The following SDK1 variants were observed in gnomAD, a reference collection of about 807,000 sequenced individuals.
SDK1 encodes the protein protein sidekick-1.
Under a neutral mutation model 245.5 loss-of-function variants are expected in SDK1, and 157 were observed. The observed-to-expected ratio is 0.64, with a 90% CI of 0.56 to 0.73. The LOEUF is 0.73. Ranked by LOEUF, SDK1 falls within the 30% of genes least tolerant of loss-of-function variation. The pLI is 0.00. For synonymous variants in SDK1, 1,647 were observed against 1,278.5 expected (o/e 1.29, Z -6.15); for missense variants, 3,583 against 3,002.3 (o/e 1.19, Z -4.52).
Position 4,166,410 on chromosome 7 carries a change from C to T in SDK1, c.4800+4554C>T, listed in dbSNP as rs555310810. Among the ~76,000 whole-genome samples the T allele has an allele frequency of 2.5e-4, 38 of 152,338 alleles. 1 individual carries two copies. Among genetic ancestry groups the T allele is most frequent in the Middle Eastern group, 3.4e-3 (1 of 294 alleles). ...ATTGATAGGAAGACAGCAGAAGGAA[C>T]GAAACTAACTCTGGCCAGAGGGGCA... On this transcript the variant is annotated intron_variant, in intron 32 of 44. Transcript: ENST00000404826.
intron 4 of SDK1, among the ~76,000 whole-genome samples, chr7:3,767,366 A>G (rs1780283680): frequency 6.6e-6 from 1 of 152,228 alleles, no homozygotes; most frequent in Non-Finnish European, 1.5e-5. Context: ...TGTAAAAAAG[A>G]ACACACAAAT....
At chr7:3,368,984 C>G (rs1046063417) in intron 1 of SDK1, among the ~76,000 whole-genome samples, 1 of 152,124 alleles carries the variant, frequency 6.6e-6, no homozygotes, top group Non-Finnish European at 1.5e-5. Flanking sequence ...GCTGCTTCCT[C>G]CTGCCCCAGT....
intron 1 of SDK1, among the ~76,000 whole-genome samples, chr7:3,481,985 G>C (rs567740156): frequency 7.8e-4 from 118 of 151,826 alleles, no homozygotes; most frequent in African/African-American, 2.7e-3. Flanking sequence ...AAAAAGCAAA[G>C]CTTGAAAAAA....
intron 19 of SDK1, among the ~76,000 whole-genome samples, chr7:4,060,269 A>G (rs763527770): frequency 6.6e-6 from 1 of 152,220 alleles, no homozygotes; most frequent in Non-Finnish European, 1.5e-5. Flanking sequence ...CCTACAATAA[A>G]TGCCTACATC....
chr7:3,438,937 C>T (rs925269413), intron 1 of SDK1, among the ~76,000 whole-genome samples: 2 of 150,122 alleles, frequency 1.3e-5, no homozygotes, highest in African/African-American at 5.0e-5. Flanking sequence ...ACTGCAACCT[C>T]TGCCTCCTGG....
chr7:3,554,751 A>C (rs958956503), intron 1 of SDK1, among the ~76,000 whole-genome samples: 3 of 152,236 alleles, frequency 2.0e-5, no homozygotes. Context: ...TGCTGAATAC[A>C]AAATTAACAT....
intron 5 of SDK1, among the ~76,000 whole-genome samples, chr7:3,950,612 C>T (rs1037299389): frequency 6.6e-6 from 1 of 152,170 alleles, no homozygotes; most frequent in South Asian, 2.1e-4. Flanking sequence ...AACAGATGCC[C>T]TTCCACTCAC....
chr7:3,731,992 G>C (rs188971048), intron 4 of SDK1, among the ~76,000 whole-genome samples: 1 of 152,098 alleles, frequency 6.6e-6, no homozygotes, highest in Non-Finnish European at 1.5e-5. Context: ...GGGTTTCACC[G>C]TGTTGGTCAG....
chr7:3,858,148 G>A (rs925312506), intron 5 of SDK1, among the ~76,000 whole-genome samples: 5 of 152,132 alleles, frequency 3.3e-5, no homozygotes, highest in African/African-American at 1.2e-4. Context: ...AGGATAATGA[G>A]GTAAATTTGT....
chr7:3,449,430 G>A (rs553445100), intron 1 of SDK1, among the ~76,000 whole-genome samples: 3 of 151,502 alleles, frequency 2.0e-5, no homozygotes, highest in South Asian at 2.1e-4. Context: ...AAATGATGAA[G>A]GAGAGGCAAA....
chr7:4,098,488 T>G (rs1163871336), intron 22 of SDK1, among the ~76,000 whole-genome samples: 1 of 152,164 alleles, frequency 6.6e-6, no homozygotes, highest in Non-Finnish European at 1.5e-5. Flanking sequence ...TTTCCTTCAT[T>G]CGCCCATTCA....
At chr7:3,421,667 C>G (rs571178803) in intron 1 of SDK1, among the ~76,000 whole-genome samples, 6 of 152,276 alleles carry the variant, frequency 3.9e-5, no homozygotes, top group Admixed American at 1.3e-4. Flanking sequence ...GAGAGTATCT[C>G]TAGGCAGTGA....
chr7:3,584,559 T>C (rs1780618727), intron 1 of SDK1, among the ~76,000 whole-genome samples: 1 of 152,162 alleles, frequency 6.6e-6, no homozygotes, highest in East Asian at 1.9e-4. Flanking sequence ...GGAAGGATCC[T>C]GGCCAGGTGC....
chr7:3,407,346 C>T (rs1330139450), intron 1 of SDK1, among the ~76,000 whole-genome samples: 4 of 152,204 alleles, frequency 2.6e-5, no homozygotes, highest in African/African-American at 9.7e-5. Context: ...AGGTCTCTTG[C>T]ATGATGCTAG....
intron 1 of SDK1, among the ~76,000 whole-genome samples, chr7:3,588,395 G>C (rs75621015): frequency 6.6e-6 from 1 of 152,154 alleles, no homozygotes; most frequent in East Asian, 1.9e-4. Context: ...TTGTGTTGCA[G>C]TTTATGTCAG....
chr7:3,601,023 C>G (rs865865004), intron 1 of SDK1, among the ~76,000 whole-genome samples: 1 of 152,052 alleles, frequency 6.6e-6, no homozygotes, highest in Non-Finnish European at 1.5e-5. Context: ...TAGATTCTTT[C>G]TTTTTTTGTT....
At chr7:3,689,601 A>C (rs1048190229) in intron 4 of SDK1, among the ~76,000 whole-genome samples, 1 of 152,140 alleles carries the variant, frequency 6.6e-6, no homozygotes, top group Non-Finnish European at 1.5e-5. Flanking sequence ...AATGCCATCC[A>C]CCTATTACAG....
intron 1 of SDK1, among the ~76,000 whole-genome samples, chr7:3,354,066 C>A (rs551038485): frequency 6.6e-6 from 1 of 151,188 alleles, no homozygotes; most frequent in East Asian, 1.9e-4. Context: ...GATCTCGGCT[C>A]GCTGCAAGCT....
intron 1 of SDK1, among the ~76,000 whole-genome samples, chr7:3,378,084 C>G (rs1045607804): frequency 3.3e-5 from 5 of 152,126 alleles, no homozygotes; most frequent in African/African-American, 1.2e-4. Context: ...GGCCCCCAAA[C>G]TCTATTTTTA....
Sources: gnomAD v4.1 joint callset for allele counts (sites outside exome capture counted in the v4.1 genomes callset) on GRCh38, gnomAD v4.1.1 for gene constraint, MANE v1.5 for transcripts, NCBI Gene and HGNC (gene_info 2026-07-23, HGNC 2026-07-21) for gene names.